The following AKAP13 variants were observed in gnomAD, a reference collection of about 807,000 sequenced individuals.
The protein encoded by AKAP13 is A-kinase anchoring protein 13, also known as A-kinase anchor protein 13.
A neutral mutation model predicts 264.5 loss-of-function variants in AKAP13; 80 were observed. The ratio of observed to expected loss-of-function variants is 0.30; its 90% confidence interval spans 0.25 to 0.36. The LOEUF (loss-of-function observed/expected upper bound fraction) is 0.36. Ranked by LOEUF, AKAP13 falls within the 10% of genes least tolerant of loss-of-function variation. The pLI is 1.00. For missense variants in AKAP13, 3,712 were observed against 3,435.2 expected (o/e 1.08, Z -2.01); for synonymous variants, 1,380 against 1,250.2 (o/e 1.10, Z -2.19).
chr15:85,527,153 C>A (rs562959083), intron 3 of AKAP13, among the ~76,000 whole-genome samples: 2 of 151,972 alleles, frequency 1.3e-5, no homozygotes, highest in African/African-American at 4.8e-5. Context: ...TTAGTAGAGA[C>A]GGGGTTTCAC....
chr15:85,747,061 C>T lies in AKAP13; in HGVS notation c.*2384C>T, dbSNP rs1302880836. On this transcript the variant is annotated 3_prime_UTR_variant, in exon 37 of 37. Transcript: ENST00000394518. ...GTCTTTTTTAAAAATAGAGATTTCA[C>T]ATCTGCCCAGACCCCACTCAAAACG... 1.3e-5 allele frequency: 2 copies of T among 152,208 alleles called. No individual in the cohort carries two copies. The allele number at this position is 152,208 out of a possible 1,614,324, so 9.4% of individuals were successfully genotyped here. A position where few individuals can be genotyped will look rare whatever the true frequency, so the allele number is the denominator to read the frequency against.
In AKAP13 at chr15:85,708,791, T is replaced by C. The variant is rs144074212; in HGVS notation, c.5532+705T>C. Among the ~76,000 whole-genome samples the C allele has an allele frequency of 1.3e-5, 2 of 152,344 alleles. No homozygotes were observed. Among genetic ancestry groups the C allele is most frequent in the East Asian group, 3.9e-4 (2 of 5,186 alleles). On this transcript the variant is annotated intron_variant, in intron 18 of 36. Transcript: ENST00000394518. This position sits in a 1 kb window ranked among gnomAD's most constrained non-coding sequence, Gnocchi z 4.3. ...CAACTTCGTCGACACAGATGATTAA[T>C]GAGCTGTGTGCTTCGTCAGTCACCA...
Position 85,380,709 on chromosome 15 carries a change from C to G in AKAP13, c.-101C>G, listed in dbSNP as rs983665914. On this transcript the variant is annotated 5_prime_UTR_variant, in exon 1 of 37. Coordinates refer to ENST00000394518, the MANE Select transcript of AKAP13 (RefSeq NM_007200.5). ...TCGGTCGCCGCCGCTTTAGCCGCCT[C>G]CGGGGGAGCGGCCGCCTATTGTCTT... is the stretch of plus-strand genomic sequence containing the variant. 1 of 152,598 alleles carries G rather than the reference C, an allele frequency of 6.6e-6. No homozygotes were observed. Among genetic ancestry groups the G allele is most frequent in the Non-Finnish European group, 1.5e-5 (1 of 68,098 alleles). 9.5% of individuals were successfully genotyped at this position (152,598 alleles called of 1,614,324 possible).
At chr15:85,475,169 T>C (rs1357472283) in intron 1 of AKAP13, among the ~76,000 whole-genome samples, 1 of 152,218 alleles carries the variant, frequency 6.6e-6, no homozygotes, top group African/African-American at 2.4e-5. Flanking sequence ...TTGCCGGATA[T>C]CTATTTTAAC....
chr15:85,595,036 A>G (rs2079750926), intron 8 of AKAP13, among the ~76,000 whole-genome samples: 1 of 152,156 alleles, frequency 6.6e-6, no homozygotes. Context: ...TTCATTTAGT[A>G]AACATTAAAT....
intron 5 of AKAP13, among the ~76,000 whole-genome samples, chr15:85,547,831 G>T (rs962879293): frequency 6.6e-6 from 1 of 151,984 alleles, no homozygotes; most frequent in Non-Finnish European, 1.5e-5. Flanking sequence ...TCTTGCCTGA[G>T]AAATCTTAGC....
intron 17 of AKAP13, among the ~76,000 whole-genome samples, chr15:85,695,153 A>G (rs1028502255): frequency 1.3e-5 from 2 of 152,118 alleles, no homozygotes; most frequent in African/African-American, 4.8e-5. Flanking sequence ...GACTATAATC[A>G]TAGCACTTTG....
chr15:85,742,514 G>C (rs975333918), intron 35 of AKAP13, among the ~76,000 whole-genome samples: 1 of 152,240 alleles, frequency 6.6e-6, no homozygotes, highest in Non-Finnish European at 1.5e-5. Flanking sequence ...CACTCCTCTC[G>C]TGGATGGATG....
At chr15:85,642,658 ACAGAG>A (rs1302244885) in intron 9 of AKAP13, among the ~76,000 whole-genome samples, 1 of 151,906 alleles carries the variant, frequency 6.6e-6, no homozygotes, top group Non-Finnish European at 1.5e-5. Flanking sequence ...GCTTTATCTC[ACAGAG>A]CAGACTCTCG....
rs3743328 is a variant in AKAP13 at position 85,747,185 on chromosome 15, G to C, written c.*2508G>C. On this transcript the variant is annotated 3_prime_UTR_variant, in exon 37 of 37. Coordinates refer to ENST00000394518, the MANE Select transcript of AKAP13 (RefSeq NM_007200.5). ...ATCCAGGAATACAGTCTGCAGTGCAGCAACAGAACCGCTTACCAAGAACTG... is the reference window on the plus strand; with the variant it reads ...ATCCAGGAATACAGTCTGCAGTGCACCAACAGAACCGCTTACCAAGAACTG... 28,712 of 152,152 alleles carry C rather than the reference G, an allele frequency of 0.19. 2,855 individuals carry two copies. The highest frequency in any genetic ancestry group is 0.35 in the East Asian group (1,811 of 5,178). The allele number at this position is 152,152 out of a possible 1,614,324, so 9.4% of individuals were successfully genotyped here.
chr15:85,521,357 A>T (rs531676280), intron 2 of AKAP13, 71 bp from the exon 3 acceptor site: 1 of 1,539,748 alleles, frequency 6.5e-7, no homozygotes, highest in Non-Finnish European at 8.9e-7. Flanking sequence ...CTTAAATATG[A>T]TGTTTGATAA....
At chr15:85,575,031 A>G in intron 5 of AKAP13, 100 bp from the exon 6 acceptor site, 2 of 1,209,836 alleles carry the variant, frequency 1.7e-6, no homozygotes, top group Non-Finnish European at 1.2e-6. Flanking sequence ...TTGAACCTCA[A>G]AGAACAATCA....
intron 3 of AKAP13, among the ~76,000 whole-genome samples, chr15:85,528,645 A>C (rs991174657): frequency 3.9e-5 from 6 of 152,148 alleles, no homozygotes; most frequent in African/African-American, 1.4e-4. Flanking sequence ...GTTCAAACCT[A>C]ATATTTTCTA....
chr15:85,708,513 C>T lies in AKAP13; in HGVS notation c.5532+427C>T, dbSNP rs982307544. 1.3e-5 allele frequency among the ~76,000 whole-genome samples: 2 copies of T among 152,058 alleles called. No homozygotes were observed. Among genetic ancestry groups the T allele is most frequent in the Non-Finnish European group, 2.9e-5 (2 of 68,012 alleles). ...GGGTGGGGAGGGTGTTATGGTTAGC[C>T]CCAGCCTGTCTGGTAGCACTTTTCT... On this transcript the variant is annotated intron_variant, in intron 18 of 36. Transcript: ENST00000394518. This position sits in a 1 kb window ranked among gnomAD's most constrained non-coding sequence, Gnocchi z 4.3.
intron 8 of AKAP13, chr15:85,619,865 A>G (rs1284753269): frequency 7.2e-7 from 1 of 1,394,562 alleles, no homozygotes; most frequent in Admixed American, 3.0e-5. Context: ...AGCACTCTGA[A>G]GTTATCAGCA....
At chr15:85,530,685 G>A (rs752559694) in intron 3 of AKAP13, among the ~76,000 whole-genome samples, 10 of 152,096 alleles carry the variant, frequency 6.6e-5, no homozygotes, top group Non-Finnish European at 1.5e-4. Flanking sequence ...GGATAAATGG[G>A]ACAATGCTAT....
At chr15:85,677,647 G>GTTTT (rs71891857) in intron 14 of AKAP13, among the ~76,000 whole-genome samples, 1 of 136,708 alleles carries the variant, frequency 7.3e-6, no homozygotes, top group Non-Finnish European at 1.6e-5. Flanking sequence ...TGTGTGTTGT[G>GTTTT]TTTTTTTTTT....
intron 1 of AKAP13, among the ~76,000 whole-genome samples, chr15:85,382,741 G>A (rs2070353854): frequency 6.6e-6 from 1 of 152,168 alleles, no homozygotes; most frequent in Non-Finnish European, 1.5e-5. Context: ...AACTCCTTGA[G>A]GGCTGTGATA....
At chr15:85,529,034 C>T (rs565958894) in intron 3 of AKAP13, among the ~76,000 whole-genome samples, 2 of 152,280 alleles carry the variant, frequency 1.3e-5, no homozygotes, top group South Asian at 4.1e-4. Context: ...ACTGCAGCTT[C>T]TGTTTTTATG....
Sources: allele counts gnomAD v4.1 joint callset (sites outside exome capture counted in the v4.1 genomes callset), GRCh38; gene constraint gnomAD v4.1.1; non-coding constraint Gnocchi (gnomAD v3.1); transcripts MANE v1.5; gene names NCBI Gene and HGNC (gene_info 2026-07-23, HGNC 2026-07-21).